TNS1: variants seen among roughly 807,000 people sequenced by gnomAD.
TNS1 encodes the protein tensin-1.
Under a neutral mutation model 168.6 loss-of-function variants are expected in TNS1, and 62 were observed. That is an observed-to-expected ratio of 0.37 (90% CI 0.30 to 0.45). The LOEUF is 0.45. Among genes scored for constraint, TNS1 ranks in the 20% least tolerant of loss-of-function variants. The pLI is 1.00. For synonymous variants in TNS1, 934 were observed against 933.2 expected (o/e 1.00, Z -0.02); for missense variants, 2,240 against 2,339.4 (o/e 0.96, Z 0.88).
chr2:217,869,685 G>A (rs1242928057), intron 18 of TNS1, among the ~76,000 whole-genome samples: 1 of 152,240 alleles, frequency 6.6e-6, no homozygotes, highest in Non-Finnish European at 1.5e-5. Flanking sequence ...TCTACTGCGG[G>A]TTTGGTGTGC....
At chr2:217,815,557 A>AT (rs569367152) in intron 24 of TNS1, among the ~76,000 whole-genome samples, 16 of 152,190 alleles carry the variant, frequency 1.1e-4, no homozygotes, top group African/African-American at 3.9e-4. Context: ...TCCATCCCCT[A>AT]TCCCCTGCCC....
At chr2:217,940,832 G>A (rs1051695031) in intron 3 of TNS1, among the ~76,000 whole-genome samples, 20 of 152,058 alleles carry the variant, frequency 1.3e-4, no homozygotes, top group Non-Finnish European at 2.8e-4. Context: ...AAGCACTCAC[G>A]GGCACTTCCA....
intron 18 of TNS1, chr2:217,858,740 T>G: frequency 6.3e-6 from 1 of 158,282 alleles, no homozygotes; most frequent in Non-Finnish European, 1.3e-5. Flanking sequence ...GCACGCTCTC[T>G]CCCCAGCTCA....
chr2:217,914,658 G>A (rs1954803721), intron 4 of TNS1, among the ~76,000 whole-genome samples: 1 of 152,130 alleles, frequency 6.6e-6, no homozygotes, highest in South Asian at 2.1e-4. Context: ...GCCAATTTTT[G>A]TATTTTTAGT....
At chr2:217,842,155 AC>A in intron 19 of TNS1, 1 of 701,636 alleles carries the variant, frequency 1.4e-6, no homozygotes, top group Non-Finnish European at 2.6e-6. Flanking sequence ...CATCCTTGGG[AC>A]CTCTCCTTAC....
chr2:217,863,689 G>T (rs548170324), intron 18 of TNS1, among the ~76,000 whole-genome samples: 11 of 152,284 alleles, frequency 7.2e-5, no homozygotes, highest in Admixed American at 1.3e-4. Flanking sequence ...TAAAATGAGT[G>T]GGAGGAGATA....
At chr2:218,002,360 G>A (rs1272331663) in intron 1 of TNS1, among the ~76,000 whole-genome samples, 3 of 152,164 alleles carry the variant, frequency 2.0e-5, no homozygotes, top group African/African-American at 7.2e-5. Context: ...GATGGACTCT[G>A]AGAATTCTCC....
At position 217,801,212 on chromosome 2, in the gene TNS1, C is replaced by G. The variant is rs957189778; in HGVS notation, c.*3247G>C. Reference sequence around the variant, plus strand: ...TGGCTAAATAAGAGAGCCAGAACACCGTGATAGCAGGCTGATCAAACCGCT... The same window carrying G: ...TGGCTAAATAAGAGAGCCAGAACACGGTGATAGCAGGCTGATCAAACCGCT... On this transcript the variant is annotated 3_prime_UTR_variant, in exon 33 of 33. Coordinates refer to ENST00000682258, the MANE Select transcript of TNS1 (RefSeq NM_001387777.1). 3.9e-5 allele frequency: 6 copies of G among 152,260 alleles called. No individual in the cohort carries two copies. Among genetic ancestry groups the G allele is most frequent in the African/African-American group, 1.2e-4 (5 of 41,446 alleles). 9.4% of individuals were successfully genotyped at this position (152,260 alleles called of 1,614,324 possible). A position where few individuals can be genotyped will look rare whatever the true frequency, so the allele number is the denominator to read the frequency against.
intron 22 of TNS1, among the ~76,000 whole-genome samples, chr2:217,830,637 G>A (rs1353668028): frequency 2.0e-5 from 3 of 152,244 alleles, no homozygotes; most frequent in Non-Finnish European, 4.4e-5. Flanking sequence ...GCCCTCTACC[G>A]TGCCAACAGG....
At chr2:217,860,726 G>A (rs1948702264) in intron 18 of TNS1, among the ~76,000 whole-genome samples, 1 of 152,176 alleles carries the variant, frequency 6.6e-6, no homozygotes, top group African/African-American at 2.4e-5. Context: ...CAATATCCAT[G>A]ATGTCCCAGA....
rs1246605070 is a variant in TNS1 at position 217,893,577 on chromosome 2, T to C, written c.595-16A>G. On this transcript the variant is annotated splice_polypyrimidine_tract_variant and intron_variant, in intron 9 of 32. Coordinates refer to ENST00000682258, the MANE Select transcript of TNS1 (RefSeq NM_001387777.1). The stretch of plus-strand genomic sequence containing the variant: ...ATTCCAGTACCTGTGGCCCAAGCCA[T>C]GAGTGAGAAGAGGGCAGAAGCCCTG... 3 of 1,602,044 alleles carry C rather than the reference T, an allele frequency of 1.9e-6. No homozygotes were observed. Among genetic ancestry groups the C allele is most frequent in the Non-Finnish European group, 2.6e-6 (3 of 1,174,586 alleles).
chr2:217,967,464 A>T (rs941646951), intron 3 of TNS1, among the ~76,000 whole-genome samples: 1 of 152,278 alleles, frequency 6.6e-6, no homozygotes. Flanking sequence ...AGAAGACTCA[A>T]ATTACTCAAA....
chr2:217,899,482 G>A (rs1317591084), intron 7 of TNS1, among the ~76,000 whole-genome samples: 1 of 152,154 alleles, frequency 6.6e-6, no homozygotes, highest in Non-Finnish European at 1.5e-5. Flanking sequence ...CAGCTAACTT[G>A]CAGCATCCCC....
intron 1 of TNS1, among the ~76,000 whole-genome samples, chr2:218,024,120 C>T (rs1003586387): frequency 1.3e-5 from 2 of 152,164 alleles, no homozygotes; most frequent in South Asian, 4.1e-4. Context: ...AGCTGAAGAT[C>T]GGAGTCACTA....
intron 3 of TNS1, among the ~76,000 whole-genome samples, chr2:217,924,911 A>G (rs1955933837): frequency 6.6e-6 from 1 of 152,208 alleles, no homozygotes; most frequent in African/African-American, 2.4e-5. Context: ...CAGTCTCATC[A>G]TAAGACCTGG....
intron 9 of TNS1, among the ~76,000 whole-genome samples, chr2:217,894,033 C>G (rs2125714571): frequency 6.6e-6 from 1 of 152,322 alleles, no homozygotes; most frequent in Middle Eastern, 3.4e-3. Flanking sequence ...GCCTGATGTT[C>G]ATGACTCTTT....
At chr2:217,883,729 A>T (rs1273299904) in intron 16 of TNS1, among the ~76,000 whole-genome samples, 1 of 152,058 alleles carries the variant, frequency 6.6e-6, no homozygotes, top group Non-Finnish European at 1.5e-5. Context: ...TATCATTTAC[A>T]TTCTGTACTG....
rs868322269 is a variant in TNS1, at chr2:217,986,763, G to A, written c.148+4179C>T. 1,026 of 141,382 alleles carry A rather than the reference G, an allele frequency of 7.3e-3. 5 individuals are homozygous for A. The highest frequency in any genetic ancestry group is 0.012 in the Non-Finnish European group (813 of 65,784). 8.8% of individuals were successfully genotyped at this position (141,382 alleles called of 1,614,324 possible). On this transcript the variant is annotated intron_variant, in intron 2 of 32. Transcript: ENST00000682258. This position sits in a 1 kb window ranked among gnomAD's most constrained non-coding sequence, Gnocchi z 4.7. ...CACACACACACACACACACACACAC[G>A]CACGCACGCACGTACCTGTGTCAGC...
chr2:217,917,872 T>C (rs979779847), intron 4 of TNS1, among the ~76,000 whole-genome samples: 1 of 141,666 alleles, frequency 7.1e-6, no homozygotes, highest in Non-Finnish European at 1.5e-5. Flanking sequence ...GGGAAAAGCC[T>C]TGTGGGTATC....
Sources: gnomAD v4.1 joint callset for allele counts (sites outside exome capture counted in the v4.1 genomes callset) on GRCh38, gnomAD v4.1.1 for gene constraint, Gnocchi (gnomAD v3.1) non-coding constraint, MANE v1.5 for transcripts, NCBI Gene and HGNC (gene_info 2026-07-23, HGNC 2026-07-21) for gene names.